EPHA5: variants seen among roughly 807,000 people sequenced by gnomAD.
EPHA5 encodes the protein EPH receptor A5, also known as ephrin type-A receptor 5.
A neutral mutation model predicts 105.0 loss-of-function variants in EPHA5; 60 were observed. The observed-to-expected ratio is 0.57, with a 90% CI of 0.46 to 0.71. EPHA5 has a LOEUF of 0.71. Ranked by LOEUF, EPHA5 falls within the 30% of genes least tolerant of loss-of-function variation. The pLI, the probability that EPHA5 is intolerant of heterozygous loss-of-function variation, is 0.00. For missense variants in EPHA5, 1,218 were observed against 1,274.7 expected, an observed-to-expected ratio of 0.96 and a Z score of 0.68; for synonymous variants, 513 against 449.1, an observed-to-expected ratio of 1.14 and a Z score of -1.80.
At chr4:65,513,984 C>G (rs765152034) in intron 3 of EPHA5, among the ~76,000 whole-genome samples, 4 of 152,148 alleles carry the variant, frequency 2.6e-5, no homozygotes, top group African/African-American at 9.7e-5. Flanking sequence ...TGTTCTTCTA[C>G]TTAAAACTAT....
chr4:65,621,399 T>C (rs1405241450), intron 2 of EPHA5, among the ~76,000 whole-genome samples: 1 of 152,156 alleles, frequency 6.6e-6, no homozygotes, highest in Non-Finnish European at 1.5e-5. Flanking sequence ...GATAATAAGA[T>C]ACCCATATTT....
chr4:65,631,573 C>A (rs953563851), intron 2 of EPHA5, among the ~76,000 whole-genome samples: 1 of 152,048 alleles, frequency 6.6e-6, no homozygotes, highest in African/African-American at 2.4e-5. Flanking sequence ...TTGCCTCAGA[C>A]TCTCCTTGGC....
chr4:65,497,499 A>AT, intron 3 of EPHA5, among the ~76,000 whole-genome samples: 1 of 152,118 alleles, frequency 6.6e-6, no homozygotes, highest in South Asian at 2.1e-4. Flanking sequence ...TTAAAATATT[A>AT]TTTTTCTTAT....
chr4:65,488,490 C>A (rs1409408095), intron 5 of EPHA5, among the ~76,000 whole-genome samples: 1 of 152,158 alleles, frequency 6.6e-6, no homozygotes, highest in East Asian at 1.9e-4. Context: ...GAAGAGAGTT[C>A]ACATTTACCG....
intron 11 of EPHA5, among the ~76,000 whole-genome samples, chr4:65,362,062 G>A (rs1489551254): frequency 6.6e-6 from 1 of 151,550 alleles, no homozygotes; most frequent in East Asian, 1.9e-4. Context: ...CAAGAACTGT[G>A]GGCTTTTTTT....
intron 5 of EPHA5, among the ~76,000 whole-genome samples, chr4:65,482,230 G>A (rs567414834): frequency 2.6e-5 from 3 of 116,190 alleles, no homozygotes; most frequent in Admixed American, 2.1e-4. Flanking sequence ...CCCAGGAGGC[G>A]GAGGTTACAG....
At chr4:65,376,336 A>G (rs552002923) in intron 8 of EPHA5, among the ~76,000 whole-genome samples, 145 of 152,110 alleles carry the variant, frequency 9.5e-4, no homozygotes, top group Non-Finnish European at 1.4e-3. Flanking sequence ...AGGAGTTCCA[A>G]TACATCTGTG....
intron 5 of EPHA5, among the ~76,000 whole-genome samples, chr4:65,467,304 T>C (rs1221562483): frequency 6.6e-6 from 1 of 152,092 alleles, no homozygotes; most frequent in Non-Finnish European, 1.5e-5. Flanking sequence ...ATTCCAACAG[T>C]GGTAGATTTA....
chr4:65,408,047 C>T (rs527260061), intron 7 of EPHA5, among the ~76,000 whole-genome samples: 1 of 152,206 alleles, frequency 6.6e-6, no homozygotes, highest in African/African-American at 2.4e-5. Flanking sequence ...AACTGTTTCA[C>T]ATGCATGAAT....
chr4:65,629,085 AT>A (rs1371831753), intron 2 of EPHA5, among the ~76,000 whole-genome samples: 11 of 152,230 alleles, frequency 7.2e-5, no homozygotes, highest in Non-Finnish European at 1.5e-4. Context: ...GTCATCAAAT[AT>A]TTATAATAAC....
chr4:65,417,375 A>G (rs10027864), intron 6 of EPHA5, among the ~76,000 whole-genome samples: 1 of 152,128 alleles, frequency 6.6e-6, no homozygotes, highest in South Asian at 2.1e-4. Flanking sequence ...AAAAACTCAT[A>G]ATCCATTTTT....
At chr4:65,612,741 T>C (rs576766477) in intron 2 of EPHA5, among the ~76,000 whole-genome samples, 1 of 152,234 alleles carries the variant, frequency 6.6e-6, no homozygotes, top group South Asian at 2.1e-4. Flanking sequence ...TTCGGGGTTG[T>C]TATTGTTTCT....
intron 4 of EPHA5, among the ~76,000 whole-genome samples, 176 bp from the exon 5 acceptor site, chr4:65,490,888 A>G (rs1259774049): frequency 6.6e-6 from 1 of 152,202 alleles, no homozygotes. Flanking sequence ...TTTATTCCCT[A>G]TGGAAATGAC....
At chr4:65,620,564 T>C (rs970808236) in intron 2 of EPHA5, among the ~76,000 whole-genome samples, 6 of 152,202 alleles carry the variant, frequency 3.9e-5, no homozygotes, top group African/African-American at 1.2e-4. Context: ...CAGTGAATAT[T>C]TGTTGAGTTG....
At position 65,348,176 on chromosome 4, in the gene EPHA5, C is replaced by T. The variant is rs765823020; in HGVS notation, c.2473G>A (p.Ala825Thr). 1.9e-6 allele frequency: 3 copies of T among 1,612,656 alleles called. No individual in the cohort carries two copies. The highest frequency in any genetic ancestry group is 3.3e-5 in the Admixed American group (2 of 59,746). Residue 825 changes from alanine (A) to threonine (T), a missense_variant, in exon 14 of 17, where the codon GCC becomes ACC. Physicochemically the swap from Ala to Thr is moderately conservative, Grantham distance 58 (BLOSUM62 0). Coordinates refer to ENST00000613740, the MANE Select transcript of EPHA5 (RefSeq NM_001281766.3). ...TTTCGGAAAGCTATTGCTTCTGGGG[C>T]AGTCCATCTGATTGGAATTTTTCCT... is the stretch of plus-strand genomic sequence containing the variant. The part of the protein sequence containing the change: ...RGGKIPIRWT[A>T]PEAIAFRKFT...
chr4:65,477,214 G>A (rs1729906779), intron 5 of EPHA5, among the ~76,000 whole-genome samples: 1 of 152,150 alleles, frequency 6.6e-6, no homozygotes, highest in Admixed American at 6.5e-5. Context: ...AGCAATTTAA[G>A]TGAATTTGAA....
intron 2 of EPHA5, among the ~76,000 whole-genome samples, chr4:65,626,153 T>G (rs567090524): frequency 1.3e-5 from 2 of 150,722 alleles, no homozygotes; most frequent in East Asian, 1.9e-4. Flanking sequence ...ATATCACATA[T>G]AGCTAAGTCA....
At chr4:65,473,886 T>TG (rs1729531626) in intron 5 of EPHA5, among the ~76,000 whole-genome samples, 1 of 788 alleles carries the variant, frequency 1.3e-3, no homozygotes, top group South Asian at 0.5. Context: ...TTGTAAGGGC[T>TG]TTTTTTTTTT....
intron 1 of EPHA5, among the ~76,000 whole-genome samples, chr4:65,662,691 ATATGTGAG>A (rs1299020467): frequency 6.6e-6 from 1 of 152,128 alleles, no homozygotes; most frequent in Non-Finnish European, 1.5e-5. Flanking sequence ...TAAAATTAGA[ATATGTGAG>A]TGTGTGAGAG....
Sources: allele counts gnomAD v4.1 joint callset (sites outside exome capture counted in the v4.1 genomes callset), GRCh38; gene constraint gnomAD v4.1.1; transcripts MANE v1.5; gene names NCBI Gene and HGNC (gene_info 2026-07-23, HGNC 2026-07-21).